NKAIN2: variants seen among roughly 807,000 people sequenced by gnomAD.
NKAIN2 encodes sodium/potassium-transporting ATPase subunit beta-1-interacting protein 2.
A neutral mutation model predicts 32.6 loss-of-function variants in NKAIN2; 14 were observed. That is an observed-to-expected ratio of 0.43 (90% CI 0.28 to 0.67). The LOEUF (loss-of-function observed/expected upper bound fraction) is 0.67. Ranked by LOEUF, NKAIN2 falls within the 30% of genes least tolerant of loss-of-function variation. The pLI, the probability that NKAIN2 is intolerant of heterozygous loss-of-function variation, is 0.17. For missense variants in NKAIN2, 198 were observed against 258.3 expected (o/e 0.77, Z 1.60); for synonymous variants, 80 against 87.2 (o/e 0.92, Z 0.46).
chr6:124,671,203 A>AT (rs1203804059), intron 4 of NKAIN2, among the ~76,000 whole-genome samples: 1 of 151,804 alleles, frequency 6.6e-6, no homozygotes, highest in East Asian at 1.9e-4. Context: ...ACTGAAGCTG[A>AT]TTTTCTCTCT....
chr6:124,274,029 T>G (rs1794918068), intron 1 of NKAIN2, among the ~76,000 whole-genome samples: 1 of 152,208 alleles, frequency 6.6e-6, no homozygotes, highest in South Asian at 2.1e-4. Context: ...AGGCCTGCAC[T>G]GTGATCTTTT....
At chr6:124,467,241 A>C (rs1264948350) in intron 3 of NKAIN2, among the ~76,000 whole-genome samples, 2 of 152,152 alleles carry the variant, frequency 1.3e-5, no homozygotes, top group African/African-American at 2.4e-5. Context: ...ATGTAAGAAC[A>C]CATACCGAAC....
intron 2 of NKAIN2, among the ~76,000 whole-genome samples, chr6:124,292,273 G>A (rs1583001528): frequency 6.6e-6 from 1 of 151,976 alleles, no homozygotes; most frequent in East Asian, 1.9e-4. Flanking sequence ...GCATTTTTTT[G>A]TCTCTTTCTC....
At chr6:124,083,730 T>C (rs989946866) in intron 1 of NKAIN2, among the ~76,000 whole-genome samples, 3 of 151,998 alleles carry the variant, frequency 2.0e-5, no homozygotes, top group African/African-American at 7.2e-5. Context: ...TTAAAGTACA[T>C]GCAAAAAAGA....
intron 3 of NKAIN2, among the ~76,000 whole-genome samples, chr6:124,530,791 G>A (rs1251749739): frequency 2.6e-5 from 4 of 152,122 alleles, no homozygotes; most frequent in Non-Finnish European, 4.4e-5. Flanking sequence ...AGGGCAGGTC[G>A]CTGTTATAAT....
chr6:123,827,116 T>G (rs2114903508), intron 1 of NKAIN2, among the ~76,000 whole-genome samples: 1 of 152,316 alleles, frequency 6.6e-6, no homozygotes, highest in East Asian at 1.9e-4. Flanking sequence ...TCTTTTCATG[T>G]GGTTATTGGC....
chr6:124,733,886 AG>A (rs556139875), intron 4 of NKAIN2, among the ~76,000 whole-genome samples: 2 of 151,790 alleles, frequency 1.3e-5, no homozygotes, highest in South Asian at 4.1e-4. Context: ...GTCAGTTGAC[AG>A]GGCCTAAAGC....
chr6:123,967,469 T>C (rs1778136845), intron 1 of NKAIN2, among the ~76,000 whole-genome samples: 1 of 152,206 alleles, frequency 6.6e-6, no homozygotes, highest in East Asian at 1.9e-4. Flanking sequence ...GCCCCCCTTT[T>C]GACTCTGCTA....
At chr6:124,105,379 G>C (rs986447578) in intron 1 of NKAIN2, among the ~76,000 whole-genome samples, 1 of 152,132 alleles carries the variant, frequency 6.6e-6, no homozygotes, top group Non-Finnish European at 1.5e-5. Context: ...GTAGTTATAA[G>C]AGGAGAGCGC....
At chr6:124,291,780 T>G (rs1795825411) in intron 2 of NKAIN2, among the ~76,000 whole-genome samples, 1 of 152,112 alleles carries the variant, frequency 6.6e-6, no homozygotes, top group Admixed American at 6.6e-5. Context: ...CCACCTCCCC[T>G]GAAAGCCCTC....
chr6:124,646,751 G>T (rs1290922172), intron 3 of NKAIN2, among the ~76,000 whole-genome samples: 1 of 152,118 alleles, frequency 6.6e-6, no homozygotes, highest in Non-Finnish European at 1.5e-5. Context: ...AGGAGTTTGA[G>T]ACCAGCCTGG....
intron 4 of NKAIN2, among the ~76,000 whole-genome samples, chr6:124,753,954 A>G (rs1046361239): frequency 6.6e-6 from 1 of 152,134 alleles, no homozygotes; most frequent in Non-Finnish European, 1.5e-5. Context: ...AATAGGCTGC[A>G]AAAGACAATC....
At chr6:124,770,907 C>T (rs887852251) in intron 4 of NKAIN2, among the ~76,000 whole-genome samples, 13 of 152,136 alleles carry the variant, frequency 8.5e-5, no homozygotes, top group Admixed American at 5.2e-4. Context: ...GTACACAGTT[C>T]ATCTTCCTTT....
chr6:124,016,180 A>G (rs1780566196), intron 1 of NKAIN2, among the ~76,000 whole-genome samples: 1 of 152,214 alleles, frequency 6.6e-6, no homozygotes, highest in Non-Finnish European at 1.5e-5. Context: ...ATGTGCAAAG[A>G]AAACAAAATA....
intron 3 of NKAIN2, among the ~76,000 whole-genome samples, chr6:124,380,495 G>A (rs1001186266): frequency 6.6e-6 from 1 of 152,140 alleles, no homozygotes; most frequent in Non-Finnish European, 1.5e-5. Context: ...TCCAGGATCT[G>A]TCTCCTTCAA....
At chr6:123,919,026 G>T (rs1220107304) in intron 1 of NKAIN2, among the ~76,000 whole-genome samples, 1 of 151,842 alleles carries the variant, frequency 6.6e-6, no homozygotes, top group Non-Finnish European at 1.5e-5. Context: ...ATATTTATGT[G>T]TATCCTGTTG....
chr6:124,052,641 T>A (rs955507091), intron 1 of NKAIN2, among the ~76,000 whole-genome samples: 5 of 152,080 alleles, frequency 3.3e-5, no homozygotes, highest in African/African-American at 1.2e-4. Flanking sequence ...ACAAAAGCTA[T>A]ACCAAAAGAA....
intron 4 of NKAIN2, among the ~76,000 whole-genome samples, chr6:124,744,462 C>T (rs907736137): frequency 2.0e-5 from 3 of 151,768 alleles, no homozygotes; most frequent in Non-Finnish European, 2.9e-5. Flanking sequence ...TCCCAAATCT[C>T]CTCTGCTTAT....
chr6:124,253,207 C>T (rs1446620325), intron 1 of NKAIN2, among the ~76,000 whole-genome samples: 4 of 152,134 alleles, frequency 2.6e-5, no homozygotes, highest in Admixed American at 1.3e-4. Flanking sequence ...GGAAGCCTTG[C>T]ACATTTTCCA....
Sources: allele counts gnomAD v4.1 joint callset (sites outside exome capture counted in the v4.1 genomes callset), GRCh38; gene constraint gnomAD v4.1.1; transcripts MANE v1.5; gene names NCBI Gene and HGNC (gene_info 2026-07-23, HGNC 2026-07-21).